Variants in CREBBP observed in about 807,000 individuals in gnomAD.
The protein encoded by CREBBP is CREB binding lysine acetyltransferase.
A neutral mutation model predicts 265.0 loss-of-function variants in CREBBP; 19 were observed. The observed-to-expected ratio is 0.07, with a 90% CI of 0.05 to 0.11. The LOEUF is 0.11. Among genes scored for constraint, CREBBP ranks in the 10% least tolerant of loss-of-function variants. CREBBP has a pLI of 1.00. For synonymous variants in CREBBP, 1,457 were observed against 1,223.7 expected (o/e 1.19, Z -3.98); for missense variants, 2,525 against 3,219.0 (o/e 0.78, Z 5.22).
rs750047644 is a variant in CREBBP, at chr16:3,727,770, A to T, written c.7277T>A (p.Leu2426Gln). The T allele has an allele frequency of 1.9e-5, 30 of 1,614,180 alleles. No individual in the cohort carries two copies. Among genetic ancestry groups the T allele is most frequent in the Non-Finnish European group, 2.5e-5 (29 of 1,180,028 alleles). The change falls in exon 31 of 31, where the codon CTG (leucine) becomes CAG (glutamine). Residue 2426 changes from leucine to glutamine, a missense_variant. Leu to Gln is a moderately radical substitution (Grantham distance 113, BLOSUM62 -2). Transcript: ENST00000262367. ...CGTGTCCCCCGTGGTGTCCCCGACC[A>T]GGGACAGTTCGCTGGACAGCGCACT... ...SRSALSSELS[L>Q]VGDTTGDTLE...
At chr16:3,788,952 A>AAAAC (rs2053448017) in intron 5 of CREBBP, among the ~76,000 whole-genome samples, 1 of 152,200 alleles carries the variant, frequency 6.6e-6, no homozygotes, top group African/African-American at 2.4e-5. Flanking sequence ...ACTCCGTCTC[A>AAAAC]AAACAAACCA....
In CREBBP at chr16:3,736,752, G is replaced by A. The variant is rs553808662; in HGVS notation, c.4458C>T (p.Cys1486=). 1.2e-6 allele frequency: 2 copies of A among 1,614,152 alleles called. No homozygotes were observed. Among genetic ancestry groups the A allele is most frequent in the Admixed American group, 1.7e-5 (1 of 60,016 alleles). The change falls in exon 27 of 31, where the codon TGC becomes TGT. Residue 1486 remains cysteine, a synonymous_variant. Coordinates refer to ENST00000262367, the MANE Select transcript of CREBBP (RefSeq NM_004380.3). ...TGGGTATTTTTTGATCAGGTGGGTG[G>A]CAATGGAAGATGTAATCATCTCCTT... ...PSEGDDYIFH[C]HPPDQKIPKP... is the part of the protein sequence containing the mutation.
In CREBBP at chr16:3,880,084, G is replaced by A. The variant is rs923090474; in HGVS notation, c.-168C>T. 176 of 329,528 alleles carry A rather than the reference G, an allele frequency of 5.3e-4. No individual in the cohort carries two copies. Among genetic ancestry groups the A allele is most frequent in the African/African-American group, 3.0e-3 (133 of 45,010 alleles). 20.4% of individuals were successfully genotyped at this position (329,528 alleles called of 1,614,324 possible). A position where few individuals can be genotyped will look rare whatever the true frequency, so the allele number is the denominator to read the frequency against. On this transcript the variant is annotated 5_prime_UTR_variant, in exon 1 of 31. Transcript: ENST00000262367. ...GGGCGCAGGCCGGGTGGGGGAGGCG[G>A]CGGCCAAATCTCAGCCACAGCAACA... is the stretch of plus-strand genomic sequence containing the variant.
At chr16:3,820,778 C>T (rs1376421805) in intron 2 of CREBBP, among the ~76,000 whole-genome samples, 4 of 152,060 alleles carry the variant, frequency 2.6e-5, no homozygotes, top group East Asian at 1.9e-4. Context: ...GAGGACTGCT[C>T]GAACCCAAGA....
intron 2 of CREBBP, among the ~76,000 whole-genome samples, chr16:3,840,011 A>G (rs2054536454): frequency 6.6e-6 from 1 of 152,178 alleles, no homozygotes; most frequent in South Asian, 2.1e-4. Flanking sequence ...GTCCTAGGCT[A>G]CTTAACATGT....
chr16:3,815,154 C>T (rs530721576), intron 2 of CREBBP, among the ~76,000 whole-genome samples: 1 of 152,340 alleles, frequency 6.6e-6, no homozygotes, highest in South Asian at 2.1e-4. Context: ...ACATATACTT[C>T]TTAGGACCAA....
intron 6 of CREBBP, 35 bp from the exon 7 acceptor site, chr16:3,781,341 A>C: frequency 6.5e-7 from 1 of 1,534,898 alleles, no homozygotes; most frequent in Non-Finnish European, 9.0e-7. Flanking sequence ...TCAACAGTTA[A>C]ATTTTAATAT....
chr16:3,745,055 A>G, intron 22 of CREBBP, 94 bp from the exon 23 acceptor site: 1 of 1,014,730 alleles, frequency 9.9e-7, no homozygotes, highest in South Asian at 1.3e-5. Context: ...TTGGCAGTTT[A>G]AATCACATTA....
intron 3 of CREBBP, among the ~76,000 whole-genome samples, chr16:3,803,198 C>G (rs1027939267): frequency 2.8e-5 from 4 of 142,710 alleles, no homozygotes; most frequent in Non-Finnish European, 3.0e-5. Context: ...AATTTAAGAT[C>G]TAAATTCAGG....
At chr16:3,794,607 A>G (rs1027273564) in intron 3 of CREBBP, among the ~76,000 whole-genome samples, 2 of 152,220 alleles carry the variant, frequency 1.3e-5, no homozygotes, top group African/African-American at 4.8e-5. Context: ...TTCCACTCAG[A>G]CAGCTGACAA....
chr16:3,826,306 G>C (rs2054235738), intron 2 of CREBBP, among the ~76,000 whole-genome samples: 2 of 152,160 alleles, frequency 1.3e-5, no homozygotes, highest in Non-Finnish European at 2.9e-5. Flanking sequence ...ACTATGAAGA[G>C]ACAGATCTCC....
intron 8 of CREBBP, among the ~76,000 whole-genome samples, chr16:3,779,635 C>G (rs184341757): frequency 2.6e-5 from 4 of 152,228 alleles, no homozygotes; most frequent in African/African-American, 9.6e-5. Flanking sequence ...ATCAACTTAT[C>G]TACACATCAA....
Position 3,879,726 on chromosome 16 carries a change from A to G in CREBBP, c.85+106T>C, listed in dbSNP as rs1351204100. 4.0e-6 allele frequency: 5 copies of G among 1,234,896 alleles called. No homozygotes were observed. In the African/African-American group the frequency reaches 4.5e-5, roughly 11 times the overall value. The allele number at this position is 1,234,896 out of a possible 1,614,324, so 76.5% of individuals were successfully genotyped here. On this transcript the variant is annotated intron_variant, in intron 1 of 30. Coordinates refer to ENST00000262367, the MANE Select transcript of CREBBP (RefSeq NM_004380.3). ...GGAACGGGCTGCGGGGCCTGCTCCGAGCTCCCGGCTCGATCGGTATCCGCG... is the reference window on the plus strand; with the variant it reads ...GGAACGGGCTGCGGGGCCTGCTCCGGGCTCCCGGCTCGATCGGTATCCGCG...
chr16:3,849,441 GTGTGTGTGTGTGTGTGT>G (rs2054763587), intron 2 of CREBBP, among the ~76,000 whole-genome samples: 9 of 17,968 alleles, frequency 5.0e-4, no homozygotes, highest in South Asian at 6.1e-3. Flanking sequence ...GTGTGTGTGT[GTGTGTGTGTGTGTGTGT>G]GTGTGTGTGT....
At chr16:3,777,532 C>A in intron 11 of CREBBP, 81 bp downstream of exon 11, 2 of 1,410,078 alleles carry the variant, frequency 1.4e-6, no homozygotes, top group Non-Finnish European at 2.0e-6. Flanking sequence ...AAGAAATATA[C>A]AGGGGGAGAG....
intron 2 of CREBBP, among the ~76,000 whole-genome samples, chr16:3,832,123 CAAG>C (rs2054355270): frequency 6.6e-6 from 1 of 152,004 alleles, no homozygotes; most frequent in Middle Eastern, 3.4e-3. Flanking sequence ...AAAATTAGCA[CAAG>C]AAGCAGAAAA....
intron 2 of CREBBP, among the ~76,000 whole-genome samples, chr16:3,847,026 G>A (rs1357879843): frequency 1.3e-5 from 2 of 151,926 alleles, no homozygotes; most frequent in Non-Finnish European, 2.9e-5. Context: ...CATGACACAT[G>A]TGTACAGGCA....
intron 30 of CREBBP, among the ~76,000 whole-genome samples, chr16:3,730,102 T>G (rs1359146684): frequency 1.3e-5 from 2 of 152,120 alleles, no homozygotes; most frequent in Non-Finnish European, 1.5e-5. Context: ...CATGGGATCA[T>G]GGACAGGACG....
chr16:3,743,945 G>A (rs1567276007), intron 23 of CREBBP, among the ~76,000 whole-genome samples: 1 of 152,104 alleles, frequency 6.6e-6, no homozygotes, highest in Middle Eastern at 3.4e-3. Flanking sequence ...GCAAGGTGGC[G>A]GGCGCCTGTA....
Sources: allele counts gnomAD v4.1 joint callset (sites outside exome capture counted in the v4.1 genomes callset), GRCh38; gene constraint gnomAD v4.1.1; transcripts MANE v1.5; gene names NCBI Gene and HGNC (gene_info 2026-07-23, HGNC 2026-07-21).